The following SH3KBP1 variants were observed in gnomAD, a reference collection of about 807,000 sequenced individuals.
SH3KBP1 encodes the protein SH3 domain containing kinase binding protein 1.
Under a neutral mutation model 50.1 loss-of-function variants are expected in SH3KBP1, and 8 were observed. The observed-to-expected ratio is 0.16, with a 90% CI of 0.09 to 0.29. SH3KBP1 has a LOEUF of 0.29. Ranked by LOEUF, SH3KBP1 falls within the 10% of genes least tolerant of loss-of-function variation. The pLI is 1.00. For synonymous variants in SH3KBP1, 227 were observed against 218.6 expected (o/e 1.04, Z -0.34); for missense variants, 377 against 535.2 (o/e 0.70, Z 2.92).
At chrX:19,758,327 CAAAAAAAAAAAAAAA>C (rs60332447) in intron 2 of SH3KBP1, among the ~76,000 whole-genome samples, 4 of 37,654 alleles carry the variant, frequency 1.1e-4, no homozygotes, top group South Asian at 3.8e-3. Flanking sequence ...GACTTCGTTT[CAAAAAAAAAAAAAAA>C]AAAAAAAAAA....
intron 5 of SH3KBP1, among the ~76,000 whole-genome samples, chrX:19,688,986 A>G (rs2063226676): frequency 9.0e-6 from 1 of 111,672 alleles, no homozygotes; most frequent in Non-Finnish European, 1.9e-5. Flanking sequence ...CCCATATAGG[A>G]AAGGAATTGT....
intron 1 of SH3KBP1, among the ~76,000 whole-genome samples, chrX:19,853,159 T>C (rs756815543): frequency 8.9e-6 from 1 of 112,339 alleles, no homozygotes; most frequent in African/African-American, 3.2e-5. Context: ...CGTGTGCACG[T>C]GTGTGTGTGT....
rs187950313 is a variant in SH3KBP1 at position 19,680,418 on chromosome X, C to T, written c.726+3405G>A. ...AAAAAAAAAACTTCACAAACCTGAA[C>T]GAAAAGTATAATATGATGCTCACAG... On this transcript the variant is annotated intron_variant, in intron 6 of 17. Transcript: ENST00000397821. 1.8e-4 allele frequency among the ~76,000 whole-genome samples: 19 copies of T among 104,033 alleles called. No homozygotes were observed. The East Asian group carries it at 2.7e-3, about 15-fold the overall frequency. The allele number at this position is 104,033 out of a possible 115,157, so 90.3% of individuals were successfully genotyped here. A position where few individuals can be genotyped will look rare whatever the true frequency, so the allele number is the denominator to read the frequency against.
intron 6 of SH3KBP1, chrX:19,664,632 C>T (rs2062550959): frequency 8.9e-6 from 1 of 111,855 alleles, no homozygotes; most frequent in Admixed American, 9.5e-5. Context: ...GTCACAGATC[C>T]TATAACCCTT....
At chrX:19,819,335 TTTTA>T (rs772608202) in intron 2 of SH3KBP1, among the ~76,000 whole-genome samples, 89 of 111,139 alleles carry the variant, frequency 8.0e-4, no homozygotes, top group African/African-American at 2.8e-3. Context: ...TTATTGATCT[TTTTA>T]TTTATTTATT....
intron 3 of SH3KBP1, among the ~76,000 whole-genome samples, chrX:19,712,773 G>A (rs775697988): frequency 3.6e-5 from 4 of 111,473 alleles, no homozygotes; most frequent in Non-Finnish European, 5.6e-5. Flanking sequence ...TTGACATCAC[G>A]TGCCTCCTGA....
intron 6 of SH3KBP1, among the ~76,000 whole-genome samples, chrX:19,661,936 A>G (rs2062469451): frequency 1.8e-5 from 2 of 111,757 alleles, no homozygotes; most frequent in African/African-American, 6.5e-5. Context: ...CAGAAAAAAT[A>G]AAGTTCTAAG....
At chrX:19,539,865 T>C (rs750731580) in intron 16 of SH3KBP1, among the ~76,000 whole-genome samples, 2 of 111,833 alleles carry the variant, frequency 1.8e-5, no homozygotes, top group Admixed American at 9.5e-5. Flanking sequence ...CTGTGGGGTG[T>C]TGACTCAAGA....
intron 2 of SH3KBP1, among the ~76,000 whole-genome samples, chrX:19,790,701 G>A (rs895186444): frequency 5.4e-5 from 6 of 110,625 alleles, no homozygotes; most frequent in Admixed American, 2.9e-4. Flanking sequence ...CAGAAAAGAC[G>A]TCATGGAAGA....
At chrX:19,822,152 T>C (rs1470196370) in intron 2 of SH3KBP1, among the ~76,000 whole-genome samples, 1 of 112,552 alleles carries the variant, frequency 8.9e-6, no homozygotes, top group African/African-American at 3.2e-5. Context: ...CATAGATTTC[T>C]CTAGGTTTAT....
At chrX:19,746,589 T>A in intron 2 of SH3KBP1, 148 bp from the exon 3 acceptor site, 1 of 572,958 alleles carries the variant, frequency 1.7e-6, no homozygotes. Context: ...ATTTTCTGTA[T>A]CTTTGTAGTT....
At chrX:19,584,067 T>C (rs2147940113) in intron 12 of SH3KBP1, among the ~76,000 whole-genome samples, 1 of 93,076 alleles carries the variant, frequency 1.1e-5, no homozygotes, top group African/African-American at 4.0e-5. Context: ...TATTTCAAAA[T>C]AGATAAATAT....
At chrX:19,738,710 A>C (rs2064672727) in intron 3 of SH3KBP1, among the ~76,000 whole-genome samples, 1 of 107,460 alleles carries the variant, frequency 9.3e-6, no homozygotes, top group African/African-American at 3.4e-5. Flanking sequence ...AAAAAAAAAA[A>C]AAAAAAGAAG....
At chrX:19,802,947 T>C (rs2066934651) in intron 2 of SH3KBP1, among the ~76,000 whole-genome samples, 1 of 111,486 alleles carries the variant, frequency 9.0e-6, no homozygotes, top group South Asian at 3.8e-4. Flanking sequence ...ACTGTGTCAT[T>C]GAGGTTGGGG....
chrX:19,632,966 G>A (rs931854312), intron 7 of SH3KBP1, among the ~76,000 whole-genome samples: 5 of 111,974 alleles, frequency 4.5e-5, no homozygotes, highest in Admixed American at 2.8e-4. Context: ...TCCTGCAGAC[G>A]GATCACAACC....
At chrX:19,643,961 A>G (rs1341657693) in intron 7 of SH3KBP1, among the ~76,000 whole-genome samples, 1 of 111,950 alleles carries the variant, frequency 8.9e-6, no homozygotes, top group Non-Finnish European at 1.9e-5. Flanking sequence ...TGGGCTTCCT[A>G]TAAACCCACT....
At chrX:19,834,522 A>G (rs1445268565) in intron 2 of SH3KBP1, among the ~76,000 whole-genome samples, 1 of 112,244 alleles carries the variant, frequency 8.9e-6, no homozygotes, top group Non-Finnish European at 1.9e-5. Context: ...CCCATGAGGA[A>G]TAGCCTCCAG....
intron 2 of SH3KBP1, among the ~76,000 whole-genome samples, chrX:19,758,366 C>A (rs146875710): frequency 2.0e-5 from 2 of 98,604 alleles, no homozygotes; most frequent in African/African-American, 3.6e-5. Flanking sequence ...TCTTGAAATG[C>A]AAGAATAACT....
intron 12 of SH3KBP1, among the ~76,000 whole-genome samples, chrX:19,579,531 A>C (rs1260766771): frequency 8.9e-6 from 1 of 111,815 alleles, no homozygotes; most frequent in Non-Finnish European, 1.9e-5. Context: ...AATTAGTACA[A>C]AGCATGCGTG....
Sources: allele counts gnomAD v4.1 joint callset (sites outside exome capture counted in the v4.1 genomes callset), GRCh38; gene constraint gnomAD v4.1.1; transcripts MANE v1.5; gene names NCBI Gene and HGNC (gene_info 2026-07-23, HGNC 2026-07-21).